PAX5: variants seen among roughly 807,000 people sequenced by gnomAD.
PAX5 encodes the protein paired box protein Pax-5.
Under a neutral mutation model 43.7 loss-of-function variants are expected in PAX5, and 9 were observed. The ratio of observed to expected loss-of-function variants is 0.21; its 90% CI spans 0.12 to 0.36. PAX5 has a LOEUF of 0.36. PAX5 is among the 10% of genes least tolerant of loss of function. PAX5 has a pLI of 1.00. For synonymous variants in PAX5, 228 were observed against 214.3 expected, an observed-to-expected ratio of 1.06 and a Z score of -0.56; for missense variants, 383 against 532.7, an observed-to-expected ratio of 0.72 and a Z score of 2.77.
chr9:36,971,506 C>G (rs1019262740), intron 5 of PAX5, among the ~76,000 whole-genome samples: 1 of 152,220 alleles, frequency 6.6e-6, no homozygotes, highest in African/African-American at 2.4e-5. Context: ...CAGAAATGCT[C>G]AGACCCATTT....
At position 36,982,471 on chromosome 9, in the gene PAX5, T is replaced by C. The variant is rs149232235; in HGVS notation, c.605-15747A>G. On this transcript the variant is annotated intron_variant, in intron 5 of 9. Coordinates refer to ENST00000358127, the MANE Select transcript of PAX5 (RefSeq NM_016734.3). ...CTGTCAAGGAGAGAAGGCCTGGAGA[T>C]GGACTTACAGTCCAAGCTTGTGAAA... 6.7e-3 allele frequency among the ~76,000 whole-genome samples: 1,014 copies of C among 152,170 alleles called. 13 individuals are homozygous for C. Among genetic ancestry groups the C allele is most frequent in the African/African-American group, 0.023 (975 of 41,518 alleles).
intron 8 of PAX5, among the ~76,000 whole-genome samples, chr9:36,876,060 G>A (rs1825884261): frequency 6.6e-6 from 1 of 152,244 alleles, no homozygotes; most frequent in Non-Finnish European, 1.5e-5. Context: ...GAGGGGACCA[G>A]GCAAGCTGGG....
chr9:37,025,717 C>G (rs560173406), intron 1 of PAX5, among the ~76,000 whole-genome samples: 104 of 152,360 alleles, frequency 6.8e-4, no homozygotes, highest in African/African-American at 2.4e-3. Context: ...GGCCAGGCAG[C>G]CAGGCCGGCC....
At chr9:36,872,646 G>A (rs1825588860) in intron 8 of PAX5, among the ~76,000 whole-genome samples, 1 of 152,142 alleles carries the variant, frequency 6.6e-6, no homozygotes, top group Non-Finnish European at 1.5e-5. Context: ...GCAGGCAAGA[G>A]CTGAGAAAGC....
intron 1 of PAX5, among the ~76,000 whole-genome samples, chr9:37,030,955 C>T (rs1840923682): frequency 6.6e-6 from 1 of 152,242 alleles, no homozygotes; most frequent in Non-Finnish European, 1.5e-5. Flanking sequence ...GCTGTCTCAA[C>T]CCACTGAGTT....
At chr9:36,988,646 G>C (rs532562195) in intron 5 of PAX5, among the ~76,000 whole-genome samples, 1 of 127,994 alleles carries the variant, frequency 7.8e-6, no homozygotes, top group East Asian at 2.2e-4. Flanking sequence ...CTGGGCAACA[G>C]AGTGAGACCC....
chr9:36,991,493 G>A (rs1836933986), intron 5 of PAX5, among the ~76,000 whole-genome samples: 1 of 152,154 alleles, frequency 6.6e-6, no homozygotes. Context: ...CTCCCAGAAA[G>A]GTTTATATCA....
intron 6 of PAX5, among the ~76,000 whole-genome samples, chr9:36,952,861 C>G (rs1833127326): frequency 6.6e-6 from 1 of 152,150 alleles, no homozygotes; most frequent in Admixed American, 6.5e-5. Flanking sequence ...TTTACACAAA[C>G]AGTTACCTTT....
At chr9:36,879,162 T>G (rs1324909101) in intron 8 of PAX5, among the ~76,000 whole-genome samples, 2 of 152,120 alleles carry the variant, frequency 1.3e-5, no homozygotes, top group Non-Finnish European at 2.9e-5. Context: ...CCAGGCTTGG[T>G]GAAGCTGTGC....
At chr9:36,935,582 T>G (rs1321974870) in intron 6 of PAX5, among the ~76,000 whole-genome samples, 1 of 152,146 alleles carries the variant, frequency 6.6e-6, no homozygotes, top group African/African-American at 2.4e-5. Flanking sequence ...AAGTCAGACA[T>G]TTTAACTTCT....
At chr9:36,901,595 G>A (rs922075435) in intron 7 of PAX5, among the ~76,000 whole-genome samples, 12 of 152,134 alleles carry the variant, frequency 7.9e-5, no homozygotes, top group South Asian at 6.2e-4. Flanking sequence ...AGGAAATGGC[G>A]TATCAGAAAA....
intron 8 of PAX5, among the ~76,000 whole-genome samples, chr9:36,869,785 A>C (rs1825243928): frequency 6.6e-6 from 1 of 152,214 alleles, no homozygotes; most frequent in African/African-American, 2.4e-5. Flanking sequence ...GAAGGAAGCG[A>C]TAGTGGATGG....
intron 6 of PAX5, among the ~76,000 whole-genome samples, chr9:36,927,839 G>A (rs1368724447): frequency 6.6e-6 from 1 of 152,116 alleles, no homozygotes; most frequent in Admixed American, 6.5e-5. Context: ...CTCCCAAGTG[G>A]CTGGGATTAC....
chr9:36,856,681 G>C (rs1303685160), intron 8 of PAX5: 1 of 152,168 alleles, frequency 6.6e-6, no homozygotes, highest in Admixed American at 6.5e-5. Context: ...GGGACTACGG[G>C]TTCACGCCTC....
chr9:36,929,004 A>G (rs1483816526), intron 6 of PAX5, among the ~76,000 whole-genome samples: 1 of 152,072 alleles, frequency 6.6e-6, no homozygotes, highest in Non-Finnish European at 1.5e-5. Flanking sequence ...CTGCCAGGAA[A>G]CTCGGTCAAA....
intron 5 of PAX5, among the ~76,000 whole-genome samples, chr9:36,983,626 A>C (rs1836127566): frequency 1.3e-5 from 2 of 152,150 alleles, no homozygotes. Context: ...ATTTTTTTTC[A>C]CCACATTCAG....
intron 2 of PAX5, among the ~76,000 whole-genome samples, chr9:37,016,454 G>C (rs1839392834): frequency 6.6e-6 from 1 of 152,190 alleles, no homozygotes; most frequent in Non-Finnish European, 1.5e-5. Flanking sequence ...CTGTTTCTAA[G>C]GACATTTCCA....
rs1005554577 is a variant in PAX5 at position 36,849,146 on chromosome 9, G to A, written c.1013-2217C>T. On this transcript the variant is annotated intron_variant, in intron 8 of 9. Coordinates refer to ENST00000358127, the MANE Select transcript of PAX5 (RefSeq NM_016734.3). ...GTACGTGGGCATGCTTGGCCCTGCA[G>A]GTCCGTTGGATTCCTCTCTGCACCT... Among the ~76,000 whole-genome samples, 6 of 152,236 alleles carry A rather than the reference G, an allele frequency of 3.9e-5. No homozygotes were observed. In the East Asian group the frequency reaches 1.2e-3, roughly 29 times the overall value.
chr9:36,840,246 AGACAGCTGGAG>A lies in PAX5; in HGVS notation c.*303_*313del. The A allele has an allele frequency of 1.9e-6, 1 of 516,688 alleles. No homozygotes were observed. The highest frequency in any genetic ancestry group is 3.4e-5 in the East Asian group (1 of 29,046). 32.0% of individuals were successfully genotyped at this position (516,688 alleles called of 1,614,324 possible). On this transcript the variant is annotated 3_prime_UTR_variant, in exon 10 of 10. Coordinates refer to ENST00000358127, the MANE Select transcript of PAX5 (RefSeq NM_016734.3). ...GGGTGGTTATGATGGATGGATAGTCAGACAGCTGGAGGACAGGCAGGCTGGGCTGGGGCTGC... is the reference window on the plus strand; with the variant it reads ...GGGTGGTTATGATGGATGGATAGTCAGACAGGCAGGCTGGGCTGGGGCTGC...
Sources: allele counts gnomAD v4.1 joint callset (sites outside exome capture counted in the v4.1 genomes callset), GRCh38; gene constraint gnomAD v4.1.1; transcripts MANE v1.5; gene names NCBI Gene and HGNC (gene_info 2026-07-23, HGNC 2026-07-21).